Variants in PDZD2 observed in about 807,000 individuals in gnomAD.
PDZD2 encodes the protein PDZ domain-containing protein 2.
In PDZD2, 90 loss-of-function variants were observed where a neutral mutation model predicts 220.7. The ratio of observed to expected loss-of-function variants is 0.41; its 90% CI spans 0.34 to 0.49. The LOEUF (loss-of-function observed/expected upper bound fraction) is 0.49, where lower values mean the gene tolerates loss of function less well. Ranked by LOEUF, PDZD2 falls within the 20% of genes least tolerant of loss-of-function variation. The probability of loss-of-function intolerance (pLI) is 0.28; values close to 1 mark genes in which losing one functional copy is unlikely to be tolerated. For synonymous variants in PDZD2, 1,375 were observed against 1,450.5 expected, an observed-to-expected ratio of 0.95 and a Z score of 1.18; for missense variants, 3,174 against 3,608.5, an observed-to-expected ratio of 0.88 and a Z score of 3.08.
intron 1 of PDZD2, among the ~76,000 whole-genome samples, chr5:31,667,855 C>CTTTTTT (rs561833214): frequency 2.2e-3 from 170 of 77,956 alleles, no homozygotes; most frequent in Non-Finnish European, 2.7e-3. Context: ...TTTTTTTTTC[C>CTTTTTT]TTTTTTTTTT....
At chr5:32,082,838 A>G (rs1157851479) in intron 19 of PDZD2, among the ~76,000 whole-genome samples, 1 of 152,192 alleles carries the variant, frequency 6.6e-6, no homozygotes, top group Non-Finnish European at 1.5e-5. Flanking sequence ...TTTTAGAGCC[A>G]TTTAGCTTTC....
At chr5:31,956,361 A>T (rs1254759798) in intron 2 of PDZD2, among the ~76,000 whole-genome samples, 24 of 147,348 alleles carry the variant, frequency 1.6e-4, no homozygotes, top group African/African-American at 5.8e-4. Context: ...TTGAAAAGAT[A>T]AAGTTTAGCT....
intron 2 of PDZD2, among the ~76,000 whole-genome samples, chr5:31,877,100 C>G (rs1181630509): frequency 6.6e-6 from 1 of 152,190 alleles, no homozygotes; most frequent in Non-Finnish European, 1.5e-5. Context: ...ATGATTGTTA[C>G]TCTATAATAG....
At chr5:31,725,101 C>T (rs1400158958) in intron 1 of PDZD2, among the ~76,000 whole-genome samples, 3 of 151,900 alleles carry the variant, frequency 2.0e-5, no homozygotes, top group Admixed American at 6.6e-5. Context: ...GGGGCTAAGG[C>T]GGATGGATCA....
intron 1 of PDZD2, among the ~76,000 whole-genome samples, chr5:31,671,962 G>A (rs1403437913): frequency 1.3e-5 from 2 of 152,164 alleles, no homozygotes; most frequent in Admixed American, 6.5e-5. Context: ...CCTAGATCAG[G>A]GGATTCTCAG....
intron 4 of PDZD2, among the ~76,000 whole-genome samples, chr5:31,996,997 G>A (rs917980805): frequency 2.0e-5 from 3 of 152,246 alleles, no homozygotes; most frequent in African/African-American, 7.2e-5. Flanking sequence ...TAAGAAGGAT[G>A]TAGCTGTCCC....
chr5:31,799,865 C>T, intron 2 of PDZD2, 141 bp downstream of exon 2: 1 of 641,548 alleles, frequency 1.6e-6, no homozygotes, highest in Non-Finnish European at 2.8e-6. Flanking sequence ...CCCCCTCATC[C>T]ATTCAACGCA....
intron 1 of PDZD2, among the ~76,000 whole-genome samples, chr5:31,676,048 G>T (rs980488264): frequency 6.6e-6 from 1 of 152,060 alleles, no homozygotes; most frequent in Non-Finnish European, 1.5e-5. Context: ...TTAGTTGAGC[G>T]CTCTATGTGT....
At chr5:32,040,948 A>C (rs1756067791) in intron 7 of PDZD2, among the ~76,000 whole-genome samples, 1 of 139,316 alleles carries the variant, frequency 7.2e-6, no homozygotes, top group Non-Finnish European at 1.5e-5. Flanking sequence ...CCCATCTGGG[A>C]AATGGGGAGC....
rs1382865502 is a variant in PDZD2, at chr5:32,108,802, CA to C, written c.*669del. 6.6e-6 allele frequency: 1 copy of C among 152,606 alleles called. No individual in the cohort carries two copies. The allele number at this position is 152,606 out of a possible 1,614,324, so 9.5% of individuals were successfully genotyped here. On this transcript the variant is annotated 3_prime_UTR_variant, in exon 25 of 25. Transcript: ENST00000438447. ...TAATGTACGTATGCAAAGTTCAACT[CA>C]ATAGGTTATTGATCACCATGAAGTA...
intron 1 of PDZD2, among the ~76,000 whole-genome samples, chr5:31,755,814 T>G (rs1368852221): frequency 6.6e-6 from 1 of 152,162 alleles, no homozygotes; most frequent in East Asian, 1.9e-4. Context: ...GTGGCCTGGC[T>G]GGGCTATGTC....
chr5:31,734,825 C>T (rs540727012), intron 1 of PDZD2, among the ~76,000 whole-genome samples: 47 of 152,310 alleles, frequency 3.1e-4, no homozygotes, highest in Non-Finnish European at 5.1e-4. Flanking sequence ...CCAGTCATCT[C>T]ATTAGCATAA....
At chr5:31,829,608 C>T (rs912509471) in intron 2 of PDZD2, among the ~76,000 whole-genome samples, 4 of 152,100 alleles carry the variant, frequency 2.6e-5, no homozygotes, top group Non-Finnish European at 4.4e-5. Flanking sequence ...TGAACCACCA[C>T]ACCCAGCCCA....
At chr5:31,862,102 T>TTGC (rs56135053) in intron 2 of PDZD2, among the ~76,000 whole-genome samples, 14 of 76,866 alleles carry the variant, frequency 1.8e-4, no homozygotes, top group African/African-American at 8.5e-4. Flanking sequence ...TTTTTTTGGG[T>TTGC]TTTTTTTTTT....
At chr5:32,095,256 G>GTGGTT (rs1743555672) in intron 21 of PDZD2, among the ~76,000 whole-genome samples, 1 of 152,210 alleles carries the variant, frequency 6.6e-6, no homozygotes, top group Non-Finnish European at 1.5e-5. Context: ...AGGCAGGGTT[G>GTGGTT]TGGTTTGGTT....
chr5:32,036,962 A>G (rs1359861174), intron 6 of PDZD2, among the ~76,000 whole-genome samples: 1 of 152,190 alleles, frequency 6.6e-6, no homozygotes, highest in East Asian at 1.9e-4. Context: ...CCCTGGTTCC[A>G]TGCTGCGCAG....
intron 2 of PDZD2, among the ~76,000 whole-genome samples, chr5:31,909,444 C>A (rs1000145854): frequency 6.6e-6 from 1 of 152,102 alleles, no homozygotes; most frequent in African/African-American, 2.4e-5. Flanking sequence ...GGAGCAGGGA[C>A]ATGTGGTTAA....
Position 32,107,992 on chromosome 5 carries a change from A to T in PDZD2, c.8377A>T (p.Ile2793Leu). The T allele has an allele frequency of 6.2e-7, 1 of 1,613,476 alleles. No homozygotes were observed. Among genetic ancestry groups the T allele is most frequent in the Non-Finnish European group, 8.5e-7 (1 of 1,179,428 alleles). ...AGGTGGTGCGGCTGAACAAGCTGGA[A>T]TAATAGAAGCTGGAGATGAAATTCT... Reference protein sequence around the residue: ...YKGGAAEQAGIIEAGDEILAI... With the variant: ...YKGGAAEQAGLIEAGDEILAI... The change falls in exon 25 of 25, where the codon ATA becomes TTA. Residue 2793 changes from isoleucine (I) to leucine (L), a missense_variant. Physicochemically the swap from Ile to Leu is conservative, Grantham distance 5. This residue lies in a region of PDZD2 where 631 missense variants were observed against 789.9 expected (regional missense o/e 0.80). Transcript: ENST00000438447.
intron 1 of PDZD2, among the ~76,000 whole-genome samples, chr5:31,715,531 G>A (rs1748396272): frequency 6.6e-6 from 1 of 152,226 alleles, no homozygotes; most frequent in African/African-American, 2.4e-5. Context: ...ACATCTTAAA[G>A]TAAATTCAGA....
Sources: gnomAD v4.1 joint callset for allele counts (sites outside exome capture counted in the v4.1 genomes callset) on GRCh38, gnomAD v4.1.1 for gene constraint, gnomAD v4.1.1 regional missense constraint, MANE v1.5 for transcripts, NCBI Gene and HGNC (gene_info 2026-07-23, HGNC 2026-07-21) for gene names.